Variants in ECEL1 observed in about 807,000 individuals in gnomAD.
ECEL1 encodes endothelin-converting enzyme-like 1.
A neutral mutation model predicts 101.8 loss-of-function variants in ECEL1; 87 were observed. The observed-to-expected ratio is 0.85, with a 90% CI of 0.72 to 1.02. The LOEUF (loss-of-function observed/expected upper bound fraction) is 1.02. ECEL1 is among the 50% of genes least tolerant of loss of function. The pLI is 0.00. For missense variants in ECEL1, 1,032 were observed against 1,079.2 expected, an observed-to-expected ratio of 0.96 and a Z score of 0.61; for synonymous variants, 487 against 468.7, an observed-to-expected ratio of 1.04 and a Z score of -0.50.
chr2:232,481,736 G>A (rs766496935), intron 13 of ECEL1, 46 bp downstream of exon 13: 10 of 1,598,800 alleles, frequency 6.3e-6, no homozygotes, highest in Non-Finnish European at 7.7e-6. Context: ...TCCACTGCCT[G>A]TCCTGCCCCC....
chr2:232,482,647 C>T, intron 10 of ECEL1, 39 bp from the exon 11 acceptor site: 1 of 1,583,890 alleles, frequency 6.3e-7, no homozygotes, highest in Non-Finnish European at 8.6e-7. Flanking sequence ...GGAACACACT[C>T]CCTCCCCCGC....
Position 232,481,092 on chromosome 2 carries a change from T to TG in ECEL1, c.2053dup (p.His685ProfsTer24). On this transcript the variant is annotated frameshift_variant and splice_region_variant, in exon 15 of 18. Transcript: ENST00000304546. LOFTEE classifies it high-confidence loss of function. ...GTGGAGCACAGGCAGGCCGCTCACGTGGTAGGCCAGCTTGAGGCCGCCCAT... is the reference window on the plus strand; with the variant it reads ...GTGGAGCACAGGCAGGCCGCTCACGTGGGTAGGCCAGCTTGAGGCCGCCCAT... 1 of 1,559,006 alleles carries TG rather than the reference T, an allele frequency of 6.4e-7. No homozygotes were observed. The highest frequency in any genetic ancestry group is 8.7e-7 in the Non-Finnish European group (1 of 1,151,562).
chr2:232,485,830 C>G (rs1013807045), intron 2 of ECEL1, 38 bp downstream of exon 2: 5 of 1,536,554 alleles, frequency 3.3e-6, no homozygotes, highest in Non-Finnish European at 2.6e-6. Context: ...CGCCCCGGAT[C>G]CGCGGCCGCT....
chr2:232,481,436 G>C, intron 14 of ECEL1, 70 bp downstream of exon 14: 1 of 1,549,058 alleles, frequency 6.5e-7, no homozygotes, highest in South Asian at 1.2e-5. Context: ...CGTGCGCAAG[G>C]GTGTGCGTGA....
chr2:232,480,510 G>C lies in ECEL1; in HGVS notation c.2152-35C>G, dbSNP rs781725170. 2.9e-5 allele frequency: 46 copies of C among 1,611,892 alleles called. No homozygotes were observed. In the South Asian group the frequency reaches 5.1e-4, roughly 18 times the overall value. On this transcript the variant is annotated intron_variant, in intron 16 of 17. Transcript: ENST00000304546. ...GGAGCGGGGTGGAGGGGAGGAGGGG[G>C]AGATGAAGCCAGGCATCCGCCCCCT...
intron 8 of ECEL1, 38 bp from the exon 9 acceptor site, chr2:232,483,217 C>G: frequency 1.3e-6 from 2 of 1,577,382 alleles, no homozygotes; most frequent in Non-Finnish European, 1.7e-6. Flanking sequence ...CACCAGGCCT[C>G]GGGAGACAGC....
Position 232,486,159 on chromosome 2 carries a change from C to A in ECEL1, c.495G>T (p.Leu165=), listed in dbSNP as rs897510262. 3.8e-6 allele frequency: 6 copies of A among 1,573,522 alleles called. No individual in the cohort carries two copies. The African/African-American group carries it at 8.2e-5, about 21-fold the overall frequency. Reference sequence around the variant, plus strand: ...CGCCAGGCCCACCCCCGGGCCGCGCCAGCAGGCGCCGTAGGCGCTCCTCGT... The same window carrying A: ...CGCCAGGCCCACCCCCGGGCCGCGCAAGCAGGCGCCGTAGGCGCTCCTCGT... The part of the protein sequence containing the change: ...EQNEERLRRL[L]ARPGGGPGGA... The change falls in exon 2 of 18, where the codon CTG becomes CTT. Residue 165 remains leucine, a synonymous_variant. Coordinates refer to ENST00000304546, the MANE Select transcript of ECEL1 (RefSeq NM_004826.4).
Position 232,484,045 on chromosome 2 carries a change from C to T in ECEL1, c.1363G>A (p.Ala455Thr), listed in dbSNP as rs374411123. The T allele has an allele frequency of 5.2e-5, 84 of 1,611,972 alleles. No individual in the cohort carries two copies. The highest frequency in any genetic ancestry group is 6.1e-5 in the Non-Finnish European group (72 of 1,178,484). Residue 455 changes from alanine (A) to threonine (T), a missense_variant, in exon 7 of 18, where the codon GCC becomes ACC. Physicochemically the swap from Ala to Thr is moderately conservative, Grantham distance 58 (BLOSUM62 0). Transcript: ENST00000304546. ...ANRHFGMALG[A>T]LFVHEHFSAA... ...GAGAAGTGCTCATGTACAAAGAGGGCGCCAAGCGCCATGCCAAAGTGGCGA... is the reference window on the plus strand; with the variant it reads ...GAGAAGTGCTCATGTACAAAGAGGGTGCCAAGCGCCATGCCAAAGTGGCGA...
chr2:232,486,589 C>T lies in ECEL1; in HGVS notation c.65G>A (p.Arg22His), dbSNP rs1364404462. 9 of 1,423,328 alleles carry T rather than the reference C, an allele frequency of 6.3e-6. No individual in the cohort carries two copies. Among genetic ancestry groups the T allele is most frequent in the Non-Finnish European group, 7.3e-6 (8 of 1,091,320 alleles). The allele number at this position is 1,423,328 out of a possible 1,614,324, so 88.2% of individuals were successfully genotyped here. The change falls in exon 2 of 18, where the codon CGC becomes CAC. Residue 22 changes from arginine to histidine, a missense_variant. Coordinates refer to ENST00000304546, the MANE Select transcript of ECEL1 (RefSeq NM_004826.4). ...DEFQEVKYVS[R>H]CGAGGARGAS... is the part of the protein sequence containing the mutation. The stretch of plus-strand genomic sequence containing the variant: ...CCCGCGCGCGCCCCCCGCGCCGCAG[C>T]GGCTCACGTACTTGACCTCTTGGAA...
rs1319758145 is a variant in ECEL1 at position 232,482,959 on chromosome 2, A to G, written c.1582-5T>C. The G allele has an allele frequency of 1.1e-5, 17 of 1,613,996 alleles. No individual in the cohort carries two copies. The Admixed American group carries it at 2.8e-4, about 27-fold the overall frequency. ...GGTCTTCTCATGGACCTCAAACTGC[A>G]GGAGGCACGGGCGACACTCAGCGGC... On this transcript the variant is annotated splice_region_variant and splice_polypyrimidine_tract_variant and intron_variant, in intron 9 of 17. Transcript: ENST00000304546.
In ECEL1 at chr2:232,480,732, T is replaced by G; in HGVS notation, c.2137A>C (p.Ile713Leu). The G allele has an allele frequency of 1.2e-6, 2 of 1,613,992 alleles. No individual in the cohort carries two copies. The highest frequency in any genetic ancestry group is 1.7e-6 in the Non-Finnish European group (2 of 1,179,968). Residue 713 changes from isoleucine to leucine, a missense_variant, in exon 16 of 18, where the codon ATT becomes CTT. Physicochemically the swap from Ile to Leu is conservative, Grantham distance 5. Coordinates refer to ENST00000304546, the MANE Select transcript of ECEL1 (RefSeq NM_004826.4). ...ACCCAGCCCACCTGGGCAAAGGCAA[T>G]GAAGAAGAGCTGGTCATGTGTGTAC... ...LKYTHDQLFF[I>L]AFAQNWCIKR...
At position 232,481,149 on chromosome 2, in the gene ECEL1, C is replaced by G; in HGVS notation, c.1997G>C (p.Gly666Ala). 6.4e-7 allele frequency: 1 copy of G among 1,565,634 alleles called. No homozygotes were observed. Among genetic ancestry groups the G allele is most frequent in the Non-Finnish European group, 8.7e-7 (1 of 1,154,936 alleles). The change falls in exon 15 of 18, where the codon GGG (glycine) becomes GCG (alanine). Residue 666 changes from glycine (G) to alanine (A), a missense_variant. Coordinates refer to ENST00000304546, the MANE Select transcript of ECEL1 (RefSeq NM_004826.4). ...NFTVYNQRVN[G>A]KHTLGENIAD... Reference sequence around the variant, plus strand: ...GATGTTCTCCCCAAGCGTGTGTTTCCCGTTCACCTGCCGGGAAGGGAAGAG... The same window carrying G: ...GATGTTCTCCCCAAGCGTGTGTTTCGCGTTCACCTGCCGGGAAGGGAAGAG...
rs746546278 is a variant in ECEL1 at position 232,481,649 on chromosome 2, G to A, written c.1865-19C>T. ...TGGCCCCCTGTGGGCAGTGCAGCAG[G>A]CTGAGACCCACCCTCACCTGAGCCC... is the stretch of plus-strand genomic sequence containing the variant. On this transcript the variant is annotated intron_variant, in intron 13 of 17. Transcript: ENST00000304546. The A allele has an allele frequency of 2.5e-6, 4 of 1,612,212 alleles. No individual in the cohort carries two copies. The highest frequency in any genetic ancestry group is 1.7e-5 in the Admixed American group (1 of 60,004).
rs754563109 is a variant in ECEL1 at position 232,480,758 on chromosome 2, T to C, written c.2111A>G (p.Lys704Arg). 1 of 1,614,146 alleles carries C rather than the reference T, an allele frequency of 6.2e-7. No homozygotes were observed. Among genetic ancestry groups the C allele is most frequent in the South Asian group, 1.1e-5 (1 of 91,090 alleles). Residue 704 changes from lysine to arginine, a missense_variant, in exon 16 of 18, where the codon AAG (lysine) becomes AGG (arginine). Lys to Arg is a conservative substitution (Grantham distance 26). Transcript: ENST00000304546. ...HGPEHPLPRL[K>R]YTHDQLFFIA... ...GAAGAAGAGCTGGTCATGTGTGTAC[T>C]TGAGCCGGGGAAGTGGGTGCTCTGG...
intron 1 of ECEL1, 106 bp from the exon 2 acceptor site, chr2:232,486,860 C>G: frequency 2.2e-6 from 1 of 451,736 alleles, no homozygotes; most frequent in Non-Finnish European, 3.6e-6. Context: ...CAGCCGCGGG[C>G]CTCATTCACT....
At position 232,482,531 on chromosome 2, in the gene ECEL1, T is replaced by C. The variant is rs1264004381; in HGVS notation, c.1744+19A>G. 6.2e-7 allele frequency: 1 copy of C among 1,613,956 alleles called. No individual in the cohort carries two copies. Among genetic ancestry groups the C allele is most frequent in the Admixed American group, 1.7e-5 (1 of 60,016 alleles). ...CTTTCGGACCCTGCCCCGCCCGGCG[T>C]AGGGACACATCCCCTTACCCATCTG... is the stretch of plus-strand genomic sequence containing the variant. On this transcript the variant is annotated intron_variant, in intron 11 of 17. Coordinates refer to ENST00000304546, the MANE Select transcript of ECEL1 (RefSeq NM_004826.4).
chr2:232,482,242 A>AT (rs1690599466), intron 12 of ECEL1, among the ~76,000 whole-genome samples, 176 bp downstream of exon 12: 1 of 152,054 alleles, frequency 6.6e-6, no homozygotes, highest in African/African-American at 2.4e-5. Flanking sequence ...AAACCTACAC[A>AT]TTTTTCTAAA....
chr2:232,484,241 C>A lies in ECEL1; in HGVS notation c.1185-18G>T. The stretch of plus-strand genomic sequence containing the variant: ...GCAGGACCCTGGGGACCAGGTGAAG[C>A]CAGTGGGTGTCCAGACGGACATGCA... On this transcript the variant is annotated intron_variant, in intron 6 of 17. Coordinates refer to ENST00000304546, the MANE Select transcript of ECEL1 (RefSeq NM_004826.4). 1 of 1,602,910 alleles carries A rather than the reference C, an allele frequency of 6.2e-7. No homozygotes were observed. Among genetic ancestry groups the A allele is most frequent in the South Asian group, 1.1e-5 (1 of 90,570 alleles).
rs1330524444 is a variant in ECEL1 at position 232,486,341 on chromosome 2, A to G, written c.313T>C (p.Phe105Leu). ...CPEGCPERKAFARAARFLAAN... is the reference protein window; with the variant it reads ...CPEGCPERKALARAARFLAAN... ...GCCAGGAAGCGAGCGGCGCGCGCGA[A>G]GGCCTTGCGCTCAGGGCAGCCCTCG... Residue 105 changes from phenylalanine to leucine, a missense_variant, in exon 2 of 18, where the codon TTC becomes CTC. Phe to Leu is a conservative substitution (Grantham distance 22). Coordinates refer to ENST00000304546, the MANE Select transcript of ECEL1 (RefSeq NM_004826.4). The G allele has an allele frequency of 6.4e-7, 1 of 1,554,046 alleles. No individual in the cohort carries two copies. Among genetic ancestry groups the G allele is most frequent in the Middle Eastern group, 2.3e-4 (1 of 4,348 alleles).
Sources: allele counts gnomAD v4.1 joint callset (sites outside exome capture counted in the v4.1 genomes callset), GRCh38; gene constraint gnomAD v4.1.1; transcripts MANE v1.5; gene names NCBI Gene and HGNC (gene_info 2026-07-23, HGNC 2026-07-21).